The following CIT variants were observed in gnomAD, a reference collection of about 807,000 sequenced individuals.
CIT encodes the protein citron rho-interacting serine/threonine kinase, also known as citron Rho-interacting kinase.
A neutral mutation model predicts 272.7 loss-of-function variants in CIT; 79 were observed. The ratio of observed to expected loss-of-function variants is 0.29; its 90% CI spans 0.24 to 0.35. The LOEUF is 0.35. Among genes scored for constraint, CIT ranks in the 10% least tolerant of loss-of-function variants. The pLI, the probability that CIT is intolerant of heterozygous loss-of-function variation, is 1.00. For synonymous variants in CIT, 948 were observed against 995.6 expected, an observed-to-expected ratio of 0.95 and a Z score of 0.90; for missense variants, 1,909 against 2,618.3, an observed-to-expected ratio of 0.73 and a Z score of 5.91.
chr12:119,854,852 G>C (rs140992116), intron 4 of CIT, among the ~76,000 whole-genome samples: 1,964 of 152,268 alleles, frequency 0.013, 26 homozygotes, highest in Non-Finnish European at 0.019. Flanking sequence ...TCAGGAGGCT[G>C]AGCAAGAAGA....
In CIT at chr12:119,876,170, T is replaced by TC; in HGVS notation, c.-3dup. On this transcript the variant is annotated 5_prime_UTR_variant, in exon 2 of 48. Transcript: ENST00000392521. Reference sequence around the variant, plus strand: ...CGCTCCATATTTGAACTTCAACATCTCCCCACTGGCGCTGAAAGGATATCA... The same window carrying TC: ...CGCTCCATATTTGAACTTCAACATCTCCCCCACTGGCGCTGAAAGGATATCA... 6.2e-7 allele frequency: 1 copy of TC among 1,609,960 alleles called. No homozygotes were observed. Among genetic ancestry groups the TC allele is most frequent in the Non-Finnish European group, 8.5e-7 (1 of 1,176,706 alleles).
In CIT at chr12:119,784,219, C is replaced by A; in HGVS notation, c.1402-168G>T. 6.2e-7 allele frequency: 1 copy of A among 1,600,682 alleles called. No homozygotes were observed. The highest frequency in any genetic ancestry group is 8.5e-7 in the Non-Finnish European group (1 of 1,172,028). On this transcript the variant is annotated intron_variant, in intron 11 of 47. Transcript: ENST00000392521. This position sits in a 1 kb window ranked among gnomAD's most constrained non-coding sequence, Gnocchi z 4.7. ...TTTCTTCGCCCAGGAGCGCACAGTT[C>A]TTCGTTAAGGACAGTCACCAAATGC...
intron 5 of CIT, among the ~76,000 whole-genome samples, chr12:119,848,304 G>A (rs1279379626): frequency 6.6e-6 from 1 of 152,082 alleles, no homozygotes; most frequent in East Asian, 1.9e-4. Flanking sequence ...TTTAGGTCAG[G>A]AATAAAAGCA....
intron 2 of CIT, 68 bp downstream of exon 2, chr12:119,876,005 A>C: frequency 1.0e-6 from 1 of 959,924 alleles, no homozygotes; most frequent in Non-Finnish European, 1.7e-6. Flanking sequence ...AAATAAAAGC[A>C]AAGGTGAGTG....
intron 13 of CIT, chr12:119,782,194 G>A (rs1964358626): frequency 5.4e-6 from 1 of 184,668 alleles, no homozygotes; most frequent in East Asian, 1.3e-4. Flanking sequence ...TTAGCTTGTG[G>A]GCCATAGAAA....
rs956775211 is a variant in CIT, at chr12:119,842,403, A to T, written c.516+7771T>A. Among the ~76,000 whole-genome samples the T allele has an allele frequency of 7.3e-5, 11 of 151,568 alleles. No individual in the cohort carries two copies. The South Asian group carries it at 1.0e-3, about 14-fold the overall frequency. ...GACTGCATCTCAAAAAAAAAAAAAAAAAAAAAAAAATACTGCAAGTGGTGG... is the reference window on the plus strand; with the variant it reads ...GACTGCATCTCAAAAAAAAAAAAAATAAAAAAAAAATACTGCAAGTGGTGG... On this transcript the variant is annotated intron_variant, in intron 5 of 47. Transcript: ENST00000392521.
intron 8 of CIT, 85 bp from the exon 9 acceptor site, chr12:119,823,058 A>G (rs2138046514): frequency 7.2e-7 from 1 of 1,382,434 alleles, no homozygotes; most frequent in East Asian, 2.3e-5. Context: ...TTTCTCATAT[A>G]TGCAAGTTTC....
intron 12 of CIT, chr12:119,783,326 TGTTTA>T (rs1442155622): frequency 6.6e-6 from 1 of 152,332 alleles, no homozygotes; most frequent in African/African-American, 2.4e-5. Context: ...TTCTTGAGAC[TGTTTA>T]ATTGGGCACA....
intron 44 of CIT, among the ~76,000 whole-genome samples, chr12:119,698,980 C>T (rs925504564): frequency 1.3e-5 from 2 of 151,982 alleles, no homozygotes; most frequent in South Asian, 4.1e-4. Context: ...TCGGGCTGGG[C>T]GCGGTGGCTC....
intron 19 of CIT, among the ~76,000 whole-genome samples, chr12:119,763,672 C>T (rs1326927650): frequency 6.6e-6 from 1 of 152,084 alleles, no homozygotes; most frequent in Admixed American, 6.5e-5. Context: ...GAATACCAAC[C>T]AAATCAATAA....
At chr12:119,761,802 C>T (rs1427332041) in intron 19 of CIT, among the ~76,000 whole-genome samples, 1 of 152,164 alleles carries the variant, frequency 6.6e-6, no homozygotes, top group African/African-American at 2.4e-5. Flanking sequence ...CCACTGTAAG[C>T]ACCTACTGTT....
At position 119,714,050 on chromosome 12, in the gene CIT, G is replaced by A; in HGVS notation, c.4306+147C>T. The A allele has an allele frequency of 5.6e-6, 5 of 886,640 alleles. No homozygotes were observed. In the South Asian group the frequency reaches 9.0e-5, roughly 16 times the overall value. The allele number at this position is 886,640 out of a possible 1,614,324, so 54.9% of individuals were successfully genotyped here. ...TATATAAACTCACAGCTTCAACAGGGGAAAAATAGCATCCTCCTACTGAAG... is the reference window on the plus strand; with the variant it reads ...TATATAAACTCACAGCTTCAACAGGAGAAAAATAGCATCCTCCTACTGAAG... On this transcript the variant is annotated intron_variant, in intron 33 of 47. Coordinates refer to ENST00000392521, the MANE Select transcript of CIT (RefSeq NM_001206999.2).
At chr12:119,745,400 A>AAAAAAAAAAAAAAAAC (rs1555231402) in intron 23 of CIT, among the ~76,000 whole-genome samples, 3 of 143,664 alleles carry the variant, frequency 2.1e-5, no homozygotes, top group Non-Finnish European at 4.6e-5. Flanking sequence ...AAAAAAAAAC[A>AAAAAAAAAAAAAAAAC]CCTGTCCACA....
chr12:119,813,905 G>A, intron 9 of CIT, among the ~76,000 whole-genome samples: 1 of 152,152 alleles, frequency 6.6e-6, no homozygotes, highest in Non-Finnish European at 1.5e-5. Flanking sequence ...TCTCCTCTGA[G>A]CAGAGCATTC....
chr12:119,825,035 C>T (rs1439880212), intron 8 of CIT, 130 bp downstream of exon 8: 6 of 672,880 alleles, frequency 8.9e-6, no homozygotes, highest in Admixed American at 5.6e-5. Flanking sequence ...CTCCTGACCT[C>T]GTGATCCACC....
At chr12:119,808,929 T>C (rs918694468) in intron 9 of CIT, among the ~76,000 whole-genome samples, 1 of 152,172 alleles carries the variant, frequency 6.6e-6, no homozygotes, top group Non-Finnish European at 1.5e-5. Flanking sequence ...GGAGAATATG[T>C]GTGTTGTTCA....
intron 3 of CIT, among the ~76,000 whole-genome samples, chr12:119,863,822 G>A (rs973214202): frequency 9.4e-5 from 14 of 149,230 alleles, no homozygotes; most frequent in Non-Finnish European, 1.8e-4. Context: ...GAGCCACCAC[G>A]CCGGACCAAA....
chr12:119,717,858 T>TTTTTTTTTTTTTTTTTTTTA (rs1347848913), intron 32 of CIT, among the ~76,000 whole-genome samples: 1 of 141,980 alleles, frequency 7.0e-6, no homozygotes, highest in Non-Finnish European at 1.5e-5. Flanking sequence ...TTTTTTTTTT[T>TTTTTTTTTTTTTTTTTTTTA]GAGATGGAGT....
At chr12:119,725,444 T>A (rs1226168762) in intron 28 of CIT, among the ~76,000 whole-genome samples, 3 of 151,794 alleles carry the variant, frequency 2.0e-5, no homozygotes, top group Non-Finnish European at 2.9e-5. Flanking sequence ...AAAATAAAAA[T>A]AAAAAATAAA....
Sources: gnomAD v4.1 joint callset for allele counts (sites outside exome capture counted in the v4.1 genomes callset) on GRCh38, gnomAD v4.1.1 for gene constraint, Gnocchi (gnomAD v3.1) non-coding constraint, MANE v1.5 for transcripts, NCBI Gene and HGNC (gene_info 2026-07-23, HGNC 2026-07-21) for gene names.